The following GSE1 variants were observed in gnomAD, a reference collection of about 807,000 sequenced individuals.
GSE1 encodes Gse1 coiled-coil protein, also known as genetic suppressor element 1.
GSE1 carries 32 observed loss-of-function variants against 112.6 expected under a neutral mutation model. That is an observed-to-expected ratio of 0.28 (90% CI 0.21 to 0.38). The LOEUF (loss-of-function observed/expected upper bound fraction) is 0.38. Among genes scored for constraint, GSE1 ranks in the 10% least tolerant of loss-of-function variants. GSE1 has a pLI of 1.00. For missense variants in GSE1, 2,348 were observed against 1,699.2 expected, an observed-to-expected ratio of 1.38 and a Z score of -6.71; for synonymous variants, 1,115 against 735.6, an observed-to-expected ratio of 1.52 and a Z score of -8.35.
chr16:85,588,811 C>T (rs555202361), intron 1 of GSE1, among the ~76,000 whole-genome samples: 1 of 152,276 alleles, frequency 6.6e-6, no homozygotes, highest in East Asian at 1.9e-4. Context: ...CTGAGGACAG[C>T]CCAGATAAGC....
chr16:85,628,023 A>G (rs983138829), intron 1 of GSE1, among the ~76,000 whole-genome samples: 4 of 152,124 alleles, frequency 2.6e-5, no homozygotes, highest in African/African-American at 7.2e-5. Flanking sequence ...GATCCCCACC[A>G]GGCCTGGAGG....
chr16:85,291,274 C>T (rs1393358232), intron 1 of GSE1, among the ~76,000 whole-genome samples: 3 of 152,306 alleles, frequency 2.0e-5, no homozygotes, highest in South Asian at 2.1e-4. Flanking sequence ...AGGAGCCAGG[C>T]GTCCCTCCTC....
intron 2 of GSE1, among the ~76,000 whole-genome samples, chr16:85,417,223 G>T (rs1242107162): frequency 6.6e-6 from 1 of 152,220 alleles, no homozygotes; most frequent in Non-Finnish European, 1.5e-5. Context: ...CCTGTGCACT[G>T]TTGGGTGTTT....
intron 1 of GSE1, among the ~76,000 whole-genome samples, chr16:85,571,678 AAC>A (rs2045986933): frequency 6.6e-6 from 1 of 152,160 alleles, no homozygotes; most frequent in Non-Finnish European, 1.5e-5. Context: ...TTTGACATTA[AAC>A]ACAGGAAGGA....
chr16:85,445,189 C>A (rs563922990), intron 2 of GSE1, among the ~76,000 whole-genome samples: 1 of 152,344 alleles, frequency 6.6e-6, no homozygotes, highest in South Asian at 2.1e-4. Context: ...TGACTGCCCT[C>A]CCCCATGGGG....
intron 2 of GSE1, among the ~76,000 whole-genome samples, chr16:85,469,491 G>A (rs890970599): frequency 4.6e-5 from 7 of 152,162 alleles, no homozygotes; most frequent in African/African-American, 1.7e-4. Context: ...CTGTGAGGGA[G>A]GGCATTTCTT....
chr16:85,562,423 C>T (rs1156747690), intron 1 of GSE1, among the ~76,000 whole-genome samples: 2 of 152,164 alleles, frequency 1.3e-5, no homozygotes, highest in Non-Finnish European at 2.9e-5. Flanking sequence ...GTTGTTACGC[C>T]ATGGGTGGGA....
intron 2 of GSE1, among the ~76,000 whole-genome samples, chr16:85,443,752 G>A (rs905539604): frequency 3.3e-5 from 5 of 152,198 alleles, no homozygotes; most frequent in African/African-American, 1.2e-4. Context: ...GGCTGACAGA[G>A]GGACCTCGGA....
In GSE1 at chr16:85,661,281, C is replaced by T; in HGVS notation, c.1776C>T (p.Asp592=). ...TCTGGAACCCCGTGTCCCTGATGGA[C>T]AACACCTTGGAGACGCGGCGGGCCG... ...TALWNPVSLM[D]NTLETRRAES... Residue 592 remains aspartate, a synonymous_variant, in exon 9 of 16, where the codon GAC becomes GAT. Coordinates refer to ENST00000253458, the MANE Select transcript of GSE1 (RefSeq NM_014615.5). The T allele has an allele frequency of 1.2e-6, 2 of 1,612,958 alleles. No homozygotes were observed. The highest frequency in any genetic ancestry group is 1.7e-6 in the Non-Finnish European group (2 of 1,179,998).
At chr16:85,456,692 A>G (rs949244953) in intron 2 of GSE1, among the ~76,000 whole-genome samples, 1 of 149,782 alleles carries the variant, frequency 6.7e-6, no homozygotes. Flanking sequence ...GCTAAGTGGT[A>G]TTTAAAGAAG....
intron 2 of GSE1, among the ~76,000 whole-genome samples, chr16:85,532,532 G>C (rs1356324372): frequency 6.6e-6 from 1 of 152,210 alleles, no homozygotes; most frequent in Non-Finnish European, 1.5e-5. Flanking sequence ...AGAGTGCCGA[G>C]ATCATAGGTG....
intron 1 of GSE1, among the ~76,000 whole-genome samples, chr16:85,202,933 T>C (rs2075053986): frequency 6.6e-6 from 1 of 151,368 alleles, no homozygotes; most frequent in African/African-American, 2.4e-5. Flanking sequence ...CCAGCCCTCG[T>C]CCTCTCCCTT....
chr16:85,621,478 G>C (rs980774570), intron 1 of GSE1, among the ~76,000 whole-genome samples: 1 of 152,200 alleles, frequency 6.6e-6, no homozygotes, highest in Admixed American at 6.5e-5. Context: ...GTTTTACAAC[G>C]TGTTGTTTCC....
chr16:85,570,772 G>T (rs1284819667), intron 1 of GSE1, among the ~76,000 whole-genome samples: 2 of 152,226 alleles, frequency 1.3e-5, no homozygotes, highest in African/African-American at 4.8e-5. Context: ...GGCCCTGGAG[G>T]GGCTGAGGGG....
At chr16:85,468,355 C>T (rs2050184911) in intron 2 of GSE1, among the ~76,000 whole-genome samples, 1 of 131,384 alleles carries the variant, frequency 7.6e-6, no homozygotes, top group Non-Finnish European at 1.5e-5. Flanking sequence ...CTCACTCTGT[C>T]ACCCAGGCTG....
chr16:85,301,585 T>C (rs1484439048), intron 1 of GSE1, among the ~76,000 whole-genome samples: 2 of 152,240 alleles, frequency 1.3e-5, no homozygotes, highest in Admixed American at 6.5e-5. Context: ...GTGTGGGACT[T>C]CTCTCCCTGC....
intron 1 of GSE1, among the ~76,000 whole-genome samples, chr16:85,600,469 G>A (rs989299187): frequency 2.6e-5 from 4 of 151,964 alleles, no homozygotes; most frequent in South Asian, 2.1e-4. Context: ...TCTGAACTCC[G>A]GGTGAGAGGC....
chr16:85,341,134 C>A (rs1312407790), intron 1 of GSE1, among the ~76,000 whole-genome samples: 1 of 152,164 alleles, frequency 6.6e-6, no homozygotes, highest in Non-Finnish European at 1.5e-5. Context: ...TGCTGAAAGT[C>A]AATTCATCAC....
intron 12 of GSE1, 118 bp from the exon 13 acceptor site, chr16:85,665,858 T>C: frequency 1.1e-6 from 1 of 943,724 alleles, no homozygotes. Flanking sequence ...CCCCGGGTCT[T>C]GGTTCTTTGC....
Sources: gnomAD v4.1 joint callset for allele counts (sites outside exome capture counted in the v4.1 genomes callset) on GRCh38, gnomAD v4.1.1 for gene constraint, MANE v1.5 for transcripts, NCBI Gene and HGNC (gene_info 2026-07-23, HGNC 2026-07-21) for gene names.